RSPH1: variants seen among roughly 807,000 people sequenced by gnomAD.
RSPH1 encodes the protein radial spoke head 1 homolog.
A neutral mutation model predicts 44.2 loss-of-function variants in RSPH1; 32 were observed. The observed-to-expected ratio is 0.72, with a 90% confidence interval of 0.55 to 0.97. The LOEUF is 0.97. Among genes scored for constraint, RSPH1 ranks in the 50% least tolerant of loss-of-function variants. The probability of loss-of-function intolerance (pLI) is 0.00; values close to 1 mark genes in which losing one functional copy is unlikely to be tolerated. For synonymous variants in RSPH1, 134 were observed against 147.3 expected (o/e 0.91, Z 0.65); for missense variants, 391 against 398.7 (o/e 0.98, Z 0.16).
rs1205324273 is a variant in RSPH1 at position 42,477,220 on chromosome 21, TCTGTCCCACAGCCCGGGGGTGCCCC to T, written c.727+46_727+70del. The T allele has an allele frequency of 6.9e-5, 27 of 392,166 alleles. 1 individual carries two copies. Among genetic ancestry groups the T allele is most frequent in the Middle Eastern group, 1.1e-3 (1 of 930 alleles). 24.3% of individuals were successfully genotyped at this position (392,166 alleles called of 1,614,324 possible). Reference sequence around the variant, plus strand: ...CACAGCCCGGGGATGCCCCACACCCTCTGTCCCACAGCCCGGGGGTGCCCCACACCCTCTGCCCCCTCCACCCCAC... The same window carrying T: ...CACAGCCCGGGGATGCCCCACACCCTACACCCTCTGCCCCCTCCACCCCAC... On this transcript the variant is annotated intron_variant, in intron 7 of 8. Coordinates refer to ENST00000291536, the MANE Select transcript of RSPH1 (RefSeq NM_080860.4).
rs747448425 is a variant in RSPH1 at position 42,477,332 on chromosome 21, G to T, written c.686C>A (p.Thr229Asn). The T allele has an allele frequency of 1.2e-6, 2 of 1,609,732 alleles. No individual in the cohort carries two copies. Among genetic ancestry groups the T allele is most frequent in the South Asian group, 1.1e-5 (1 of 90,968 alleles). ...GTCTTGGCCAGGTCCATCCGTAGAG[G>T]TCGGCTTTTTGGGGAGAGTTGGTGT... ...LWTPTLPKKP[T>N]STDGPGQDAP... The change falls in exon 7 of 9, where the codon ACC becomes AAC. Residue 229 changes from threonine (T) to asparagine (N), a missense_variant. Thr to Asn is a moderately conservative substitution (Grantham distance 65). Coordinates refer to ENST00000291536, the MANE Select transcript of RSPH1 (RefSeq NM_080860.4).
chr21:42,475,877 T>C (rs533212305), intron 8 of RSPH1, 21 bp downstream of exon 8: 1 of 1,608,126 alleles, frequency 6.2e-7, no homozygotes, highest in African/African-American at 1.4e-5. Flanking sequence ...CTCGCCCCAC[T>C]TCCCTGCGCA....
chr21:42,473,666 A>G lies in RSPH1; in HGVS notation c.878-796T>C, dbSNP rs546541286. Among the ~76,000 whole-genome samples, 8 of 152,266 alleles carry G rather than the reference A, an allele frequency of 5.3e-5. No homozygotes were observed. In the South Asian group the frequency reaches 8.3e-4, roughly 16 times the overall value. The stretch of plus-strand genomic sequence containing the variant: ...TCTCCAATGTAATGTGGGATTCATG[A>G]TGAATACATGCTGAACTTGCATTAT... On this transcript the variant is annotated intron_variant, in intron 8 of 8. Coordinates refer to ENST00000291536, the MANE Select transcript of RSPH1 (RefSeq NM_080860.4).
At chr21:42,492,346 A>T (rs1245138872) in intron 3 of RSPH1, among the ~76,000 whole-genome samples, 1 of 152,240 alleles carries the variant, frequency 6.6e-6, no homozygotes, top group Non-Finnish European at 1.5e-5. Flanking sequence ...ATGTAAGGAA[A>T]CACTCGATCT....
chr21:42,478,270 G>T (rs1007475469), intron 6 of RSPH1, among the ~76,000 whole-genome samples: 6 of 152,234 alleles, frequency 3.9e-5, no homozygotes, highest in East Asian at 1.9e-4. Context: ...ACAGAGAGGG[G>T]CAGACACCTG....
chr21:42,472,894 G>A, intron 8 of RSPH1, 24 bp from the exon 9 acceptor site: 1 of 1,523,892 alleles, frequency 6.6e-7, no homozygotes, highest in Non-Finnish European at 9.1e-7. Context: ...AGAAACATGA[G>A]TATATCTCAT....
chr21:42,477,467 C>T (rs1344711156), intron 6 of RSPH1, 23 bp from the exon 7 acceptor site: 3 of 1,609,174 alleles, frequency 1.9e-6, no homozygotes, highest in Non-Finnish European at 1.7e-6. Context: ...CAAAAATGTA[C>T]ATTTACCAAC....
At chr21:42,473,097 A>G (rs889521913) in intron 8 of RSPH1, among the ~76,000 whole-genome samples, 2 of 152,232 alleles carry the variant, frequency 1.3e-5, no homozygotes, top group Admixed American at 1.3e-4. Flanking sequence ...ATGCTAAGAC[A>G]AGACTATCCA....
chr21:42,485,433 A>C (rs898849607), intron 5 of RSPH1: 29 of 554,888 alleles, frequency 5.2e-5, no homozygotes, highest in African/African-American at 4.1e-4. Context: ...GCTGAAAGAC[A>C]GTGGGAATTT....
chr21:42,478,936 A>G (rs904128278), intron 6 of RSPH1, among the ~76,000 whole-genome samples: 1 of 152,214 alleles, frequency 6.6e-6, no homozygotes, highest in African/African-American at 2.4e-5. Flanking sequence ...ATAGAGAAAG[A>G]AAGTAGATTA....
chr21:42,473,776 C>T (rs985442321), intron 8 of RSPH1, among the ~76,000 whole-genome samples: 1 of 152,228 alleles, frequency 6.6e-6, no homozygotes, highest in African/African-American at 2.4e-5. Flanking sequence ...CCTGGGTGAC[C>T]CTTTGCTGGG....
At chr21:42,483,470 A>T (rs945674410) in intron 5 of RSPH1, among the ~76,000 whole-genome samples, 2 of 151,972 alleles carry the variant, frequency 1.3e-5, no homozygotes, top group Non-Finnish European at 1.5e-5. Flanking sequence ...ATGTTTTTTT[A>T]TATAAAACAA....
Position 42,474,573 on chromosome 21 carries a change from C to T in RSPH1, c.877+1325G>A, listed in dbSNP as rs2054024178. Among the ~76,000 whole-genome samples the T allele has an allele frequency of 6.6e-6, 1 of 152,260 alleles. No homozygotes were observed. Among genetic ancestry groups the T allele is most frequent in the African/African-American group, 2.4e-5 (1 of 41,472 alleles). Reference sequence around the variant, plus strand: ...TGACATCTGTGGGCACAGCTAGATGCTGCTGTAACACTGTGCATACTCTAG... The same window carrying T: ...TGACATCTGTGGGCACAGCTAGATGTTGCTGTAACACTGTGCATACTCTAG... On this transcript the variant is annotated intron_variant, in intron 8 of 8. Coordinates refer to ENST00000291536, the MANE Select transcript of RSPH1 (RefSeq NM_080860.4). The surrounding 1 kb of genome is among the most constrained non-coding windows in gnomAD (Gnocchi z 5.2).
chr21:42,477,385 A>G lies in RSPH1; in HGVS notation c.633T>C (p.Ala211=), dbSNP rs1390953388. The change falls in exon 7 of 9, where the codon GCT becomes GCC. Residue 211 remains alanine, a synonymous_variant. Transcript: ENST00000291536. ...ACAGGGCCAATTCAGTGATTTGGGT[A>G]GCTTTCCATTTTGGAACAACAGTTA... The part of the protein sequence containing the change: ...ELVTVVPKWK[A]TQITELALWT... The G allele has an allele frequency of 7.4e-6, 12 of 1,613,064 alleles. No individual in the cohort carries two copies. The highest frequency in any genetic ancestry group is 1.3e-5 in the African/African-American group (1 of 74,644).
chr21:42,485,412 A>T (rs912535415), intron 5 of RSPH1: 1 of 521,342 alleles, frequency 1.9e-6, no homozygotes, highest in African/African-American at 1.9e-5. Flanking sequence ...ATAACAATGC[A>T]ACAGGTCCCC....
At chr21:42,484,238 C>A (rs1427121219) in intron 5 of RSPH1, among the ~76,000 whole-genome samples, 1 of 152,102 alleles carries the variant, frequency 6.6e-6, no homozygotes, top group African/African-American at 2.4e-5. Flanking sequence ...TGAGAATATC[C>A]AACATCGATG....
At chr21:42,487,535 A>C (rs530948596) in intron 3 of RSPH1, among the ~76,000 whole-genome samples, 1 of 152,370 alleles carries the variant, frequency 6.6e-6, no homozygotes, top group East Asian at 1.9e-4. Flanking sequence ...GGTAGAGAAA[A>C]GCTATTCTAG....
Position 42,472,672 on chromosome 21 carries a change from C to T in RSPH1, c.*146G>A, listed in dbSNP as rs779409250. On this transcript the variant is annotated 3_prime_UTR_variant, in exon 9 of 9. Coordinates refer to ENST00000291536, the MANE Select transcript of RSPH1 (RefSeq NM_080860.4). ...AGGCTGGAGAGCAGTGGCGCGATCT[C>T]CACTCACTGCAACTGCCACTTTCTG... 51 of 610,436 alleles carry T rather than the reference C, an allele frequency of 8.4e-5. No individual in the cohort carries two copies. Among genetic ancestry groups the T allele is most frequent in the Admixed American group, 1.4e-4 (5 of 34,600 alleles). The allele number at this position is 610,436 out of a possible 1,614,324, so 37.8% of individuals were successfully genotyped here. A position where few individuals can be genotyped will look rare whatever the true frequency, so the allele number is the denominator to read the frequency against.
rs2146664866 is a variant in RSPH1, at chr21:42,492,967, T to C, written c.167A>G (p.Gln56Arg). Reference protein sequence around the residue: ...GSYEFGKRHGQGIYKFKNGAR... With the variant: ...GSYEFGKRHGRGIYKFKNGAR... ...TCCAGTCAAGTCAACGGTTCTGACC[T>C]GGCCATGTCTTTTACCGAATTCGTA... is the stretch of plus-strand genomic sequence containing the variant. The change falls in exon 2 of 9, where the codon CAG (glutamine) becomes CGG (arginine). Residue 56 changes from glutamine to arginine, a missense_variant and splice_region_variant. Physicochemically the swap from Gln to Arg is conservative, Grantham distance 43. Transcript: ENST00000291536. 6.2e-7 allele frequency: 1 copy of C among 1,613,898 alleles called. No individual in the cohort carries two copies. Among genetic ancestry groups the C allele is most frequent in the East Asian group, 2.2e-5 (1 of 44,888 alleles).
Sources: allele counts gnomAD v4.1 joint callset (sites outside exome capture counted in the v4.1 genomes callset), GRCh38; gene constraint gnomAD v4.1.1; non-coding constraint Gnocchi (gnomAD v3.1); transcripts MANE v1.5; gene names NCBI Gene and HGNC (gene_info 2026-07-23, HGNC 2026-07-21).